ERC2: variants seen among roughly 807,000 people sequenced by gnomAD.
ERC2 encodes the protein ERC protein 2.
In ERC2, 42 loss-of-function variants were observed where a neutral mutation model predicts 114.8. The ratio of observed to expected loss-of-function variants is 0.37; its 90% CI spans 0.29 to 0.47. The LOEUF (loss-of-function observed/expected upper bound fraction) is 0.47. ERC2 is among the 20% of genes least tolerant of loss of function. The probability of loss-of-function intolerance (pLI) is 0.99; values close to 1 mark genes in which losing one functional copy is unlikely to be tolerated. For synonymous variants in ERC2, 454 were observed against 425.5 expected (o/e 1.07, Z -0.82); for missense variants, 939 against 1,150.7 (o/e 0.82, Z 2.66).
At chr3:56,363,802 GAAGGGAGGGAGGGAGA>G (rs1324905374) in intron 2 of ERC2, among the ~76,000 whole-genome samples, 2 of 131,968 alleles carry the variant, frequency 1.5e-5, no homozygotes, top group African/African-American at 2.8e-5. Flanking sequence ...AAAGAGGGAA[GAAGGGAGGGAGGGAGA>G]AAGGGAGGGA....
intron 3 of ERC2, among the ~76,000 whole-genome samples, chr3:56,238,649 A>G (rs533891424): frequency 5.3e-5 from 8 of 152,236 alleles, no homozygotes; most frequent in African/African-American, 1.7e-4. Flanking sequence ...GCTTAATTGG[A>G]CCATTGGCAT....
chr3:56,262,526 A>C (rs924850918), intron 3 of ERC2, among the ~76,000 whole-genome samples: 2 of 152,236 alleles, frequency 1.3e-5, no homozygotes, highest in African/African-American at 4.8e-5. Flanking sequence ...TTTAAAAGAC[A>C]GTAGTGTAAA....
At chr3:55,652,211 G>C (rs1332702551) in intron 17 of ERC2, among the ~76,000 whole-genome samples, 2 of 152,166 alleles carry the variant, frequency 1.3e-5, no homozygotes, top group African/African-American at 2.4e-5. Flanking sequence ...GCAGTGCACT[G>C]TGTTTATTTA....
At chr3:55,597,374 C>T (rs550654630) in intron 17 of ERC2, among the ~76,000 whole-genome samples, 15 of 149,948 alleles carry the variant, frequency 1.0e-4, no homozygotes, top group African/African-American at 2.5e-4. Context: ...GAGCCCAGAC[C>T]GCGCCACTGC....
At chr3:56,351,573 C>T (rs2058554674) in intron 2 of ERC2, among the ~76,000 whole-genome samples, 1 of 152,198 alleles carries the variant, frequency 6.6e-6, no homozygotes. Context: ...CAGCTCATTA[C>T]ATGTTCTCTT....
chr3:55,903,270 C>T (rs1229436074), intron 13 of ERC2, among the ~76,000 whole-genome samples: 2 of 152,174 alleles, frequency 1.3e-5, no homozygotes, highest in African/African-American at 4.8e-5. Context: ...AAAAAAAATT[C>T]ACCATTTTCA....
intron 17 of ERC2, among the ~76,000 whole-genome samples, chr3:55,539,411 C>CTTTTTTTTTTTTTTTTTTT (rs1559619170): frequency 6.1e-5 from 3 of 49,066 alleles, no homozygotes; most frequent in Non-Finnish European, 1.3e-4. Context: ...CTCTTTTTTT[C>CTTTTTTTTTTTTTTTTTTT]TTTCTTTTTT....
At chr3:56,024,021 T>A (rs1256572995) in intron 7 of ERC2, among the ~76,000 whole-genome samples, 3 of 152,216 alleles carry the variant, frequency 2.0e-5, no homozygotes, top group Non-Finnish European at 4.4e-5. Flanking sequence ...GTAGTTTTCA[T>A]TATAAAATTC....
intron 1 of ERC2, among the ~76,000 whole-genome samples, chr3:56,440,643 G>A (rs1368115955): frequency 1.3e-5 from 2 of 152,002 alleles, no homozygotes; most frequent in African/African-American, 4.8e-5. Flanking sequence ...GATTGCTTGA[G>A]GACAGCAGTT....
chr3:56,326,701 C>A (rs1485577018), intron 2 of ERC2, among the ~76,000 whole-genome samples: 1 of 152,192 alleles, frequency 6.6e-6, no homozygotes, highest in Non-Finnish European at 1.5e-5. Context: ...CCACATGACC[C>A]AATATTTCAG....
At chr3:55,840,822 C>T (rs2061099984) in intron 14 of ERC2, among the ~76,000 whole-genome samples, 1 of 152,042 alleles carries the variant, frequency 6.6e-6, no homozygotes, top group Non-Finnish European at 1.5e-5. Flanking sequence ...ATTCATGTAA[C>T]ATGGATGAGT....
chr3:55,570,866 G>A (rs968758330), intron 17 of ERC2, among the ~76,000 whole-genome samples: 2 of 152,098 alleles, frequency 1.3e-5, no homozygotes, highest in Non-Finnish European at 2.9e-5. Flanking sequence ...AGTGGCTCAC[G>A]CCTGTAATCC....
At chr3:55,804,850 G>A (rs1227209813) in intron 14 of ERC2, among the ~76,000 whole-genome samples, 1 of 152,002 alleles carries the variant, frequency 6.6e-6, no homozygotes, top group Non-Finnish European at 1.5e-5. Context: ...CTTGGACCAG[G>A]TACCTGAAAG....
intron 1 of ERC2, among the ~76,000 whole-genome samples, chr3:56,458,566 T>A (rs1242213024): frequency 6.6e-6 from 1 of 152,172 alleles, no homozygotes; most frequent in Admixed American, 6.5e-5. Flanking sequence ...ACAAGCCTGA[T>A]GAACAGCAGC....
intron 15 of ERC2, among the ~76,000 whole-genome samples, chr3:55,706,497 A>G (rs2063497117): frequency 1.3e-5 from 2 of 152,040 alleles, no homozygotes; most frequent in Admixed American, 1.3e-4. Context: ...CCCGGGTTCA[A>G]GTGATTACCC....
At chr3:55,735,140 A>T (rs2065547466) in intron 14 of ERC2, among the ~76,000 whole-genome samples, 1 of 152,180 alleles carries the variant, frequency 6.6e-6, no homozygotes, top group South Asian at 2.1e-4. Context: ...GAATCTTTTA[A>T]TGGCTTCACA....
intron 14 of ERC2, among the ~76,000 whole-genome samples, chr3:55,808,741 ATAAC>A (rs1389744520): frequency 6.9e-5 from 7 of 101,344 alleles, no homozygotes; most frequent in African/African-American, 2.9e-4. Context: ...ATATATATAT[ATAAC>A]GTATAACTAA....
At chr3:56,225,333 A>C (rs1560413964) in intron 3 of ERC2, among the ~76,000 whole-genome samples, 1 of 152,206 alleles carries the variant, frequency 6.6e-6, no homozygotes, top group Non-Finnish European at 1.5e-5. Context: ...TGGACATAAT[A>C]GTTCTCACAG....
chr3:56,176,663 G>A (rs530037804), intron 3 of ERC2, among the ~76,000 whole-genome samples: 1 of 152,226 alleles, frequency 6.6e-6, no homozygotes, highest in South Asian at 2.1e-4. Context: ...AAGGTGTCAG[G>A]TAAATGAAAA....
Sources: gnomAD v4.1 joint callset for allele counts (sites outside exome capture counted in the v4.1 genomes callset) on GRCh38, gnomAD v4.1.1 for gene constraint, MANE v1.5 for transcripts, NCBI Gene and HGNC (gene_info 2026-07-23, HGNC 2026-07-21) for gene names.